The following PTK2 variants were observed in gnomAD, a reference collection of about 807,000 sequenced individuals.
PTK2 encodes the protein protein tyrosine kinase 2.
PTK2 carries 45 observed loss-of-function variants against 150.1 expected under a neutral mutation model. That is an observed-to-expected ratio of 0.30 (90% CI 0.24 to 0.38). The LOEUF (loss-of-function observed/expected upper bound fraction) is 0.38. PTK2 is among the 10% of genes least tolerant of loss of function. The probability of loss-of-function intolerance (pLI) is 1.00; values close to 1 mark genes in which losing one functional copy is unlikely to be tolerated. For synonymous variants in PTK2, 432 were observed against 449.2 expected (o/e 0.96, Z 0.48); for missense variants, 919 against 1,307.3 (o/e 0.70, Z 4.58).
Position 140,797,974 on chromosome 8 carries a change from T to C in PTK2, c.1093+2485A>G, listed in dbSNP as rs2100092696. ...ATCCCTTTTAAAAGCACTTTATAAA[T>C]CCAAAGTAACTATGGTAGATCAAAG... On this transcript the variant is annotated intron_variant, in intron 12 of 31. Transcript: ENST00000522684. Among the ~76,000 whole-genome samples, 5 of 152,102 alleles carry C rather than the reference T, an allele frequency of 3.3e-5. 1 individual carries two copies. The highest frequency in any genetic ancestry group is 3.3e-4 in the Admixed American group (5 of 15,262).
chr8:140,910,127 A>G (rs1020545308), intron 2 of PTK2, among the ~76,000 whole-genome samples: 13 of 152,182 alleles, frequency 8.5e-5, no homozygotes, highest in African/African-American at 3.1e-4. Flanking sequence ...GATTCTGCCA[A>G]TTTTACAAAA....
chr8:140,720,903 G>A (rs1313143604), intron 22 of PTK2, among the ~76,000 whole-genome samples: 8 of 152,046 alleles, frequency 5.3e-5, no homozygotes, highest in African/African-American at 1.7e-4. Flanking sequence ...ACAGGTGCAT[G>A]TGCCACCATG....
At chr8:140,789,673 T>G (rs1042338424) in intron 13 of PTK2, 147 bp from the exon 14 acceptor site, 1 of 667,130 alleles carries the variant, frequency 1.5e-6, no homozygotes, top group African/African-American at 1.8e-5. Flanking sequence ...ACTATTAAAA[T>G]AGCCAGGCTG....
intron 1 of PTK2, among the ~76,000 whole-genome samples, chr8:140,976,794 G>A (rs2100189399): frequency 6.6e-6 from 1 of 152,114 alleles, no homozygotes; most frequent in African/African-American, 2.4e-5. Flanking sequence ...GTATAACTTA[G>A]GCATAGCTGG....
At chr8:140,682,626 T>C (rs1436173353) in intron 27 of PTK2, among the ~76,000 whole-genome samples, 1 of 145,900 alleles carries the variant, frequency 6.9e-6, no homozygotes, top group Non-Finnish European at 1.5e-5. Context: ...AACAATTCTA[T>C]AGCTAATTAA....
At chr8:140,805,135 A>C (rs4961294) in intron 10 of PTK2, among the ~76,000 whole-genome samples, 36,625 of 152,032 alleles carry the variant, frequency 0.24, 5,030 homozygotes, top group Admixed American at 0.37. Context: ...TCTCCCTGGA[A>C]CTCAGACTCA....
intron 2 of PTK2, among the ~76,000 whole-genome samples, chr8:140,904,759 C>T (rs1293425622): frequency 6.6e-6 from 1 of 152,146 alleles, no homozygotes; most frequent in Non-Finnish European, 1.5e-5. Flanking sequence ...GTATCCATTT[C>T]TTCTAGATTT....
chr8:140,735,278 C>T (rs769106710), exon 22 of PTK2: 21 of 1,614,016 alleles, frequency 1.3e-5, no homozygotes, highest in Non-Finnish European at 1.8e-5. Context: ...TTCAGTAAAC[C>T]TGGGCCGCCT....
intron 31 of PTK2, among the ~76,000 whole-genome samples, chr8:140,662,118 A>G (rs1039399462): frequency 3.0e-4 from 46 of 152,210 alleles, no homozygotes; most frequent in African/African-American, 1.1e-3. Flanking sequence ...GCAACACAGT[A>G]AGACACTGTC....
intron 2 of PTK2, among the ~76,000 whole-genome samples, chr8:140,894,463 AG>A (rs986567910): frequency 2.0e-5 from 3 of 152,232 alleles, no homozygotes; most frequent in Non-Finnish European, 4.4e-5. Flanking sequence ...ACAAAGTATT[AG>A]GAAACACCTA....
chr8:140,942,645 TGC>T (rs376862686), intron 1 of PTK2, among the ~76,000 whole-genome samples: 61,145 of 151,428 alleles, frequency 0.4, 14,093 homozygotes, highest in Non-Finnish European at 0.54. Flanking sequence ...TGTGTGTGTG[TGC>T]GCGCATATAT....
At position 140,986,698 on chromosome 8, in the gene PTK2, A is replaced by G. The variant is rs1267801994; in HGVS notation, c.-122+14427T>C. 2.0e-5 allele frequency among the ~76,000 whole-genome samples: 3 copies of G among 152,210 alleles called. No individual in the cohort carries two copies. The South Asian group carries it at 6.2e-4, about 32-fold the overall frequency. ...AGAGTAAACCAGTAATGAACCAACT[A>G]TCCAGCAGAACTAGAGCTATGAGGG... On this transcript the variant is annotated intron_variant, in intron 1 of 31. Coordinates refer to ENST00000522684, the Ensembl canonical transcript of PTK2.
intron 1 of PTK2, among the ~76,000 whole-genome samples, chr8:140,980,628 A>C (rs1337307670): frequency 6.6e-6 from 1 of 152,144 alleles, no homozygotes; most frequent in Non-Finnish European, 1.5e-5. Flanking sequence ...TCTCAAAAAT[A>C]TAAAAAATAA....
Position 140,959,695 on chromosome 8 carries a change from T to C in PTK2, c.-121-33946A>G, listed in dbSNP as rs377321541. 8.5e-5 allele frequency among the ~76,000 whole-genome samples: 13 copies of C among 152,160 alleles called. No homozygotes were observed. In the East Asian group the frequency reaches 9.7e-4, roughly 11 times the overall value. On this transcript the variant is annotated intron_variant, in intron 1 of 31. Transcript: ENST00000522684. ...ATAAAGAAGGCCTAAATGGATCTTT[T>C]ACAATCTTACCTGTGGCCCACGTAT... is the stretch of plus-strand genomic sequence containing the variant.
chr8:140,940,910 C>T (rs1288124971), intron 1 of PTK2, among the ~76,000 whole-genome samples: 1 of 152,066 alleles, frequency 6.6e-6, no homozygotes, highest in African/African-American at 2.4e-5. Flanking sequence ...GCAGTGGTTG[C>T]AGTGAGCTGA....
chr8:140,851,393 G>C (rs2100129208), intron 5 of PTK2, among the ~76,000 whole-genome samples: 1 of 152,076 alleles, frequency 6.6e-6, no homozygotes, highest in Non-Finnish European at 1.5e-5. Flanking sequence ...ATATTATAGT[G>C]AATAAAACAA....
At chr8:140,784,891 C>A (rs545561048) in intron 14 of PTK2, among the ~76,000 whole-genome samples, 10 of 152,328 alleles carry the variant, frequency 6.6e-5, no homozygotes, top group South Asian at 4.1e-4. Context: ...TCAACTGTCA[C>A]TGCAATCTTA....
At chr8:140,906,021 A>G (rs80215608) in intron 2 of PTK2, among the ~76,000 whole-genome samples, 1,696 of 152,204 alleles carry the variant, frequency 0.011, 32 homozygotes, top group African/African-American at 0.038. Context: ...AAAAACCTCA[A>G]AAGGATAAAT....
chr8:140,980,791 C>T (rs937050372), intron 1 of PTK2, among the ~76,000 whole-genome samples: 4 of 146,742 alleles, frequency 2.7e-5, no homozygotes, highest in East Asian at 2.0e-4. Context: ...CACACTGTCG[C>T]CTGGGTTGGT....
Sources: gnomAD v4.1 joint callset for allele counts (sites outside exome capture counted in the v4.1 genomes callset) on GRCh38, gnomAD v4.1.1 for gene constraint, MANE v1.5 for transcripts, NCBI Gene and HGNC (gene_info 2026-07-23, HGNC 2026-07-21) for gene names.